IGSF22: variants seen among roughly 807,000 people sequenced by gnomAD.
The protein encoded by IGSF22 is immunoglobulin superfamily member 22, also known as immunoglobulin superfamily, member 22.
A neutral mutation model predicts 127.0 loss-of-function variants in IGSF22; 119 were observed. The observed-to-expected ratio is 0.94, with a 90% CI of 0.81 to 1.09. The LOEUF is 1.09. Ranked by LOEUF, IGSF22 falls within the 50% of genes least tolerant of loss-of-function variation. IGSF22 has a pLI of 0.00. For missense variants in IGSF22, 1,518 were observed against 1,716.6 expected (o/e 0.88, Z 2.04); for synonymous variants, 568 against 664.7 (o/e 0.85, Z 2.24).
Position 18,710,456 on chromosome 11 carries a change from C to T in IGSF22, c.2573-1G>A. Reference sequence around the variant, plus strand: ...AGACCATCCACAGTGCACTTGGTGCCTGAAATGGGAAGATGAGGGGTCGTG... The same window carrying T: ...AGACCATCCACAGTGCACTTGGTGCTTGAAATGGGAAGATGAGGGGTCGTG... On this transcript the variant is annotated splice_acceptor_variant, in intron 16 of 22. Coordinates refer to ENST00000513874, the MANE Select transcript of IGSF22 (RefSeq NM_173588.4). LOFTEE classifies it high-confidence loss of function. The T allele has an allele frequency of 6.2e-7, 1 of 1,613,966 alleles. No homozygotes were observed. The highest frequency in any genetic ancestry group is 8.5e-7 in the Non-Finnish European group (1 of 1,180,018).
At chr11:18,719,303 C>T (rs1031900554) in intron 7 of IGSF22, among the ~76,000 whole-genome samples, 13 of 129,820 alleles carry the variant, frequency 1.0e-4, no homozygotes, top group Non-Finnish European at 2.0e-4. Flanking sequence ...TGCCACCACA[C>T]CCAGCGGTTT....
chr11:18,719,159 T>G lies in IGSF22; in HGVS notation c.697-431A>C, dbSNP rs1334772457. Reference sequence around the variant, plus strand: ...CAACTGGGATTTGTTTGTTTGTTTGTTTTGAGACGGAGTCTTGCTCTGTCA... The same window carrying G: ...CAACTGGGATTTGTTTGTTTGTTTGGTTTGAGACGGAGTCTTGCTCTGTCA... On this transcript the variant is annotated intron_variant, in intron 7 of 22. Transcript: ENST00000513874. Among the ~76,000 whole-genome samples, 4 of 152,134 alleles carry G rather than the reference T, an allele frequency of 2.6e-5. No individual in the cohort carries two copies. The South Asian group carries it at 8.3e-4, about 31-fold the overall frequency.
intron 1 of IGSF22, among the ~76,000 whole-genome samples, chr11:18,725,682 C>T (rs1400850927): frequency 2.6e-5 from 4 of 152,162 alleles, no homozygotes; most frequent in East Asian, 1.9e-4. Context: ...CCTCGTGATC[C>T]GCCCACCTCA....
Position 18,721,594 on chromosome 11 carries a change from G to C in IGSF22, c.319C>G (p.Pro107Ala). The change falls in exon 4 of 23, where the codon CCC (proline) becomes GCC (alanine). Residue 107 changes from proline (P) to alanine (A), a missense_variant. By Grantham distance (27) the Pro-to-Ala change is conservative. Transcript: ENST00000513874. The stretch of plus-strand genomic sequence containing the variant: ...AATATCTTGGCGGACTCCTTGATGG[G>C]GATGCCGCTCTCCCTCTTCCAGGAG... ...HISWKRESGI[P>A]IKESAKIFYD... 4 of 1,614,240 alleles carry C rather than the reference G, an allele frequency of 2.5e-6. No individual in the cohort carries two copies. Among genetic ancestry groups the C allele is most frequent in the Non-Finnish European group, 3.4e-6 (4 of 1,180,042 alleles).
Position 18,723,385 on chromosome 11 carries a change from G to A in IGSF22, c.109+743C>T, listed in dbSNP as rs148223459. Among the ~76,000 whole-genome samples, 104 of 152,338 alleles carry A rather than the reference G, an allele frequency of 6.8e-4. 2 individuals carry two copies. Among genetic ancestry groups the A allele is most frequent in the Admixed American group, 5.6e-3 (86 of 15,306 alleles). ...GCCTTGAGTCCCAGCTGTTCCACTT[G>A]CTCTGCCTCACTGGCCAGGAGGTGT... On this transcript the variant is annotated intron_variant, in intron 2 of 22. Transcript: ENST00000513874.
chr11:18,721,900 A>G lies in IGSF22; in HGVS notation c.241+10T>C, dbSNP rs1205850982. ...CACTGGAGCCCGGTGAGCCACAGGC[A>G]GCAACACACCCTCGGGCGCGGTGAC... On this transcript the variant is annotated intron_variant, in intron 3 of 22. Coordinates refer to ENST00000513874, the MANE Select transcript of IGSF22 (RefSeq NM_173588.4). The G allele has an allele frequency of 6.2e-7, 1 of 1,612,208 alleles. No individual in the cohort carries two copies. Among genetic ancestry groups the G allele is most frequent in the East Asian group, 2.2e-5 (1 of 44,886 alleles).
chr11:18,708,896 A>G (rs1848298061), intron 18 of IGSF22, among the ~76,000 whole-genome samples: 1 of 152,182 alleles, frequency 6.6e-6, no homozygotes, highest in Non-Finnish European at 1.5e-5. Context: ...TGTAGAGCCT[A>G]AGATTGGTGG....
intron 1 of IGSF22, among the ~76,000 whole-genome samples, chr11:18,725,351 C>T (rs953515774): frequency 1.2e-4 from 19 of 152,090 alleles, no homozygotes; most frequent in Non-Finnish European, 2.5e-4. Context: ...TGGTCTCAAA[C>T]TCCTAGCCTC....
chr11:18,725,421 T>C (rs1782453723), intron 1 of IGSF22, among the ~76,000 whole-genome samples: 1 of 151,910 alleles, frequency 6.6e-6, no homozygotes, highest in Admixed American at 6.6e-5. Flanking sequence ...AGCCACTGCA[T>C]GTGGCCAGCA....
At chr11:18,706,678 C>T (rs923641889) in intron 21 of IGSF22, 6 of 486,196 alleles carry the variant, frequency 1.2e-5, no homozygotes, top group Admixed American at 3.8e-5. Flanking sequence ...CCTCCGCAGC[C>T]CCTCCACCGT....
In IGSF22 at chr11:18,724,134, C is replaced by T. The variant is rs185470590; in HGVS notation, c.103G>A (p.Val35Met). 2.5e-4 allele frequency: 403 copies of T among 1,611,852 alleles called. No individual in the cohort carries two copies. The highest frequency in any genetic ancestry group is 2.3e-4 in the Non-Finnish European group (269 of 1,178,164). ...VQTFSQTTKIVGEEVVRRKSS... is the reference protein window; with the variant it reads ...VQTFSQTTKIMGEEVVRRKSS... Reference sequence around the variant, plus strand: ...CTGCCCCCATTCCACTTGCCTCCCACGATCTTGGTTGTCTGGGAGAAGGTC... The same window carrying T: ...CTGCCCCCATTCCACTTGCCTCCCATGATCTTGGTTGTCTGGGAGAAGGTC... Residue 35 changes from valine (V) to methionine (M), a missense_variant, in exon 2 of 23, where the codon GTG becomes ATG. Physicochemically the swap from Val to Met is conservative, Grantham distance 21. This residue lies in a region of IGSF22 where 1,456 missense variants were observed against 1,644.9 expected (regional missense o/e 0.89). Coordinates refer to ENST00000513874, the MANE Select transcript of IGSF22 (RefSeq NM_173588.4).
chr11:18,713,910 C>T lies in IGSF22; in HGVS notation c.2037G>A (p.Leu679=), dbSNP rs374212619. ...NCVREDSGLI[L]LKLKNDHGSA... is the part of the protein sequence containing the mutation. The stretch of plus-strand genomic sequence containing the variant: ...AGCCGTGGTCATTCTTGAGCTTGAG[C>T]AGGATGAGGCCGCTGTCTTCACGCA... Residue 679 remains leucine (L), a synonymous_variant, in exon 14 of 23, where the codon CTG becomes CTA. Coordinates refer to ENST00000513874, the MANE Select transcript of IGSF22 (RefSeq NM_173588.4). The T allele has an allele frequency of 6.0e-5, 97 of 1,614,136 alleles. No homozygotes were observed. The highest frequency in any genetic ancestry group is 1.3e-4 in the East Asian group (6 of 44,890).
At chr11:18,722,142 AAG>A in intron 2 of IGSF22, 101 bp from the exon 3 acceptor site, 1 of 1,423,232 alleles carries the variant, frequency 7.0e-7, no homozygotes, top group Non-Finnish European at 9.7e-7. Context: ...CATGGGAACA[AAG>A]AGCATTTAGG....
intron 8 of IGSF22, 66 bp downstream of exon 8, chr11:18,718,549 C>T (rs2134166626): frequency 2.2e-6 from 2 of 902,644 alleles, no homozygotes; most frequent in South Asian, 2.6e-5. Flanking sequence ...GGCTTATATA[C>T]AGTGAGAGAA....
At chr11:18,725,209 C>T (rs939073095) in intron 1 of IGSF22, among the ~76,000 whole-genome samples, 10 of 151,970 alleles carry the variant, frequency 6.6e-5, no homozygotes, top group Non-Finnish European at 1.0e-4. Context: ...CTCATTGCAA[C>T]CTCCTCCTCT....
chr11:18,714,747 A>G, intron 11 of IGSF22, 123 bp from the exon 12 acceptor site: 1 of 1,220,068 alleles, frequency 8.2e-7, no homozygotes, highest in Non-Finnish European at 1.1e-6. Context: ...AAAATAATTT[A>G]TGATGAGCAG....
chr11:18,704,830 G>A lies in IGSF22; in HGVS notation c.3911-292C>T, dbSNP rs2134153521. On this transcript the variant is annotated intron_variant, in intron 22 of 22. Coordinates refer to ENST00000513874, the MANE Select transcript of IGSF22 (RefSeq NM_173588.4). Reference sequence around the variant, plus strand: ...AAGGTCACATGGCTGGTCAGTGGCAGAGCCAGGGCCCTGGGCCCATTTGCT... The same window carrying A: ...AAGGTCACATGGCTGGTCAGTGGCAAAGCCAGGGCCCTGGGCCCATTTGCT... The A allele has an allele frequency of 8.3e-6, 3 of 361,240 alleles. No homozygotes were observed. The South Asian group carries it at 8.7e-5, about 11-fold the overall frequency. The allele number at this position is 361,240 out of a possible 1,614,324, so 22.4% of individuals were successfully genotyped here. A position where few individuals can be genotyped will look rare whatever the true frequency, so the allele number is the denominator to read the frequency against.
At chr11:18,711,079 A>G (rs1463874608) in intron 15 of IGSF22, among the ~76,000 whole-genome samples, 1 of 152,176 alleles carries the variant, frequency 6.6e-6, no homozygotes, top group Non-Finnish European at 1.5e-5. Flanking sequence ...CCTGGCACAA[A>G]TGATTCTTAA....
chr11:18,720,078 C>T lies in IGSF22; in HGVS notation c.504G>A (p.Lys168=), dbSNP rs1386786839. The change falls in exon 6 of 23, where the codon AAG becomes AAA. Residue 168 remains lysine, a synonymous_variant. Coordinates refer to ENST00000513874, the MANE Select transcript of IGSF22 (RefSeq NM_173588.4). ...TEGQEKMDFK[K]MLKKRAPPAP... Reference sequence around the variant, plus strand: ...GCCAGCCTCACCTCTTCTTCAGCATCTTTTTGAAGTCCATTTTCTCTTGAC... The same window carrying T: ...GCCAGCCTCACCTCTTCTTCAGCATTTTTTTGAAGTCCATTTTCTCTTGAC... 51 of 1,614,152 alleles carry T rather than the reference C, an allele frequency of 3.2e-5. No individual in the cohort carries two copies. Among genetic ancestry groups the T allele is most frequent in the Non-Finnish European group, 4.2e-5 (49 of 1,180,028 alleles).
Sources: gnomAD v4.1 joint callset for allele counts (sites outside exome capture counted in the v4.1 genomes callset) on GRCh38, gnomAD v4.1.1 for gene constraint, gnomAD v4.1.1 regional missense constraint, MANE v1.5 for transcripts, NCBI Gene and HGNC (gene_info 2026-07-23, HGNC 2026-07-21) for gene names.